FNBP1L: variants seen among roughly 807,000 people sequenced by gnomAD.
The protein encoded by FNBP1L is formin binding protein 1 like, also known as formin-binding protein 1-like.
FNBP1L carries 36 observed loss-of-function variants against 91.2 expected under a neutral mutation model. The observed-to-expected ratio is 0.39, with a 90% CI of 0.30 to 0.52. The LOEUF (loss-of-function observed/expected upper bound fraction) is 0.52. FNBP1L is among the 20% of genes least tolerant of loss of function. FNBP1L has a pLI of 0.66. For missense variants in FNBP1L, 571 were observed against 732.1 expected, an observed-to-expected ratio of 0.78 and a Z score of 2.54; for synonymous variants, 242 against 237.0, an observed-to-expected ratio of 1.02 and a Z score of -0.19.
chr1:93,526,905 T>TTAGTAGCC (rs1342385685), intron 5 of FNBP1L, among the ~76,000 whole-genome samples: 7 of 152,172 alleles, frequency 4.6e-5, no homozygotes, highest in African/African-American at 1.7e-4. Context: ...TGTACCAGAA[T>TTAGTAGCC]TAGTAGCCTA....
chr1:93,523,395 T>C lies in FNBP1L; in HGVS notation c.246T>C (p.Tyr82=). Residue 82 remains tyrosine, a synonymous_variant, in exon 4 of 17, where the codon TAT becomes TAC. Transcript: ENST00000271234. ...ATATCCTTAATGAGTTAAATGACTA[T>C]GCAGGACAGCGAGAAGTTGTAGCAG... is the stretch of plus-strand genomic sequence containing the variant. ...FFNILNELND[Y]AGQREVVAEE... is the part of the protein sequence containing the mutation. 1 of 1,609,500 alleles carries C rather than the reference T, an allele frequency of 6.2e-7. No individual in the cohort carries two copies. Among genetic ancestry groups the C allele is most frequent in the Non-Finnish European group, 8.5e-7 (1 of 1,177,704 alleles).
Position 93,523,384 on chromosome 1 carries a change from T to G in FNBP1L, c.235T>G (p.Leu79Val), listed in dbSNP as rs1671394313. 1.2e-6 allele frequency: 2 copies of G among 1,608,806 alleles called. No homozygotes were observed. Among genetic ancestry groups the G allele is most frequent in the South Asian group, 1.1e-5 (1 of 89,930 alleles). ...CVAFFNILNELNDYAGQREVV... is the reference protein window; with the variant it reads ...CVAFFNILNEVNDYAGQREVV... ...AGCCTTTTTTAATATCCTTAATGAGTTAAATGACTATGCAGGACAGCGAGA... is the reference window on the plus strand; with the variant it reads ...AGCCTTTTTTAATATCCTTAATGAGGTAAATGACTATGCAGGACAGCGAGA... Residue 79 changes from leucine (L) to valine (V), a missense_variant, in exon 4 of 17, where the codon TTA (leucine) becomes GTA (valine). Physicochemically the swap from Leu to Val is conservative, Grantham distance 32. This residue lies in a region of FNBP1L where 220 missense variants were observed against 313.6 expected (regional missense o/e 0.70). Transcript: ENST00000271234.
At chr1:93,471,449 T>C (rs1008031570) in intron 1 of FNBP1L, among the ~76,000 whole-genome samples, 3 of 152,190 alleles carry the variant, frequency 2.0e-5, no homozygotes, top group African/African-American at 4.8e-5. Flanking sequence ...TCCAGCACTT[T>C]GGGAGGCCAA....
rs1053151730 is a variant in FNBP1L, at chr1:93,551,695, A to T, written c.1810+590A>T. 1.2e-5 allele frequency: 12 copies of T among 984,752 alleles called. No individual in the cohort carries two copies. The African/African-American group carries it at 2.1e-4, about 17-fold the overall frequency. The allele number at this position is 984,752 out of a possible 1,614,324, so 61.0% of individuals were successfully genotyped here. A position where few individuals can be genotyped will look rare whatever the true frequency, so the allele number is the denominator to read the frequency against. On this transcript the variant is annotated intron_variant, in intron 16 of 16. Coordinates refer to ENST00000271234, the MANE Select transcript of FNBP1L (RefSeq NM_001164473.3). ...GGAAGAAAATGAGCAGGTAGCACAT[A>T]ATCTATTTAAGTAGATTTAAAGAGA...
chr1:93,458,246 A>C (rs1440639758), intron 1 of FNBP1L, among the ~76,000 whole-genome samples: 1 of 152,180 alleles, frequency 6.6e-6, no homozygotes, highest in Non-Finnish European at 1.5e-5. Flanking sequence ...TTATAGATCA[A>C]AGACAGGTTT....
chr1:93,491,867 T>C (rs1465228449), intron 1 of FNBP1L, among the ~76,000 whole-genome samples: 1 of 152,240 alleles, frequency 6.6e-6, no homozygotes. Context: ...AAACATTGTA[T>C]CCATATATCC....
intron 1 of FNBP1L, among the ~76,000 whole-genome samples, chr1:93,460,627 G>A (rs929693331): frequency 6.6e-6 from 1 of 152,186 alleles, no homozygotes; most frequent in Non-Finnish European, 1.5e-5. Flanking sequence ...GGTCATTTAC[G>A]ATAACATGGA....
chr1:93,497,506 ATAT>A (rs745404006), intron 1 of FNBP1L, among the ~76,000 whole-genome samples: 46 of 152,322 alleles, frequency 3.0e-4, no homozygotes, highest in Non-Finnish European at 6.5e-4. Context: ...TAGAAACTAG[ATAT>A]CATAGTTTAG....
At chr1:93,549,493 C>T in intron 15 of FNBP1L, 67 bp downstream of exon 15, 4 of 1,236,690 alleles carry the variant, frequency 3.2e-6, no homozygotes, top group Non-Finnish European at 4.4e-6. Context: ...CATCAAGTCA[C>T]TCACTGTAGT....
intron 1 of FNBP1L, among the ~76,000 whole-genome samples, chr1:93,490,803 C>T (rs1670066274): frequency 6.6e-6 from 1 of 152,172 alleles, no homozygotes; most frequent in African/African-American, 2.4e-5. Flanking sequence ...TTTCCCTTGA[C>T]CTTTTCCATA....
At chr1:93,464,468 C>G (rs1262401520) in intron 1 of FNBP1L, among the ~76,000 whole-genome samples, 1 of 152,152 alleles carries the variant, frequency 6.6e-6, no homozygotes, top group Non-Finnish European at 1.5e-5. Context: ...TCTTCTTGCT[C>G]TATCCTCCAC....
At chr1:93,523,196 T>C (rs1331778049) in intron 3 of FNBP1L, 148 bp from the exon 4 acceptor site, 2 of 686,832 alleles carry the variant, frequency 2.9e-6, no homozygotes, top group Admixed American at 3.6e-5. Flanking sequence ...TGCAGGATTT[T>C]TTTCCATATG....
intron 11 of FNBP1L, 148 bp downstream of exon 11, chr1:93,541,204 GC>G: frequency 1.5e-6 from 1 of 682,194 alleles, no homozygotes; most frequent in Non-Finnish European, 2.5e-6. Context: ...TCCAGCATAT[GC>G]CAGTACTCTT....
chr1:93,507,837 C>T lies in FNBP1L; in HGVS notation c.140+8254C>T, dbSNP rs541983922. Among the ~76,000 whole-genome samples the T allele has an allele frequency of 5.3e-5, 8 of 151,812 alleles. No homozygotes were observed. In the South Asian group the frequency reaches 8.3e-4, roughly 16 times the overall value. Reference sequence around the variant, plus strand: ...CTAATTTTTGTATTTTTAGTAGAGACGGAGTTTTGCCATGTTGGCCTGGCT... The same window carrying T: ...CTAATTTTTGTATTTTTAGTAGAGATGGAGTTTTGCCATGTTGGCCTGGCT... On this transcript the variant is annotated intron_variant, in intron 2 of 16. Coordinates refer to ENST00000271234, the MANE Select transcript of FNBP1L (RefSeq NM_001164473.3).
intron 5 of FNBP1L, among the ~76,000 whole-genome samples, chr1:93,524,529 CTATACT>C (rs1182299309): frequency 6.9e-6 from 1 of 144,540 alleles, no homozygotes; most frequent in East Asian, 2.0e-4. Flanking sequence ...CTTTATAACT[CTATACT>C]TAAGAACTCT....
intron 2 of FNBP1L, among the ~76,000 whole-genome samples, chr1:93,513,873 C>T (rs975681280): frequency 2.0e-5 from 3 of 152,116 alleles, no homozygotes; most frequent in African/African-American, 2.4e-5. Flanking sequence ...ACAGGGATGC[C>T]CTCTCTCACC....
intron 1 of FNBP1L, among the ~76,000 whole-genome samples, chr1:93,461,895 A>G (rs1668879303): frequency 6.6e-6 from 1 of 152,238 alleles, no homozygotes; most frequent in South Asian, 2.1e-4. Context: ...AAGGGATCTC[A>G]CAAAGCCCAC....
At position 93,551,767 on chromosome 1, in the gene FNBP1L, AT is replaced by A. The variant is rs1269238059; in HGVS notation, c.1811-638del. 14 of 985,134 alleles carry A rather than the reference AT, an allele frequency of 1.4e-5. No individual in the cohort carries two copies. In the Admixed American group the frequency reaches 8.6e-4, roughly 61 times the overall value. The allele number at this position is 985,134 out of a possible 1,614,324, so 61.0% of individuals were successfully genotyped here. Reference sequence around the variant, plus strand: ...TCTAGCTCTTAGGTGAATAAAATAGATTTTGTTTGAGACCTCAAAATATTTT... The same window carrying A: ...TCTAGCTCTTAGGTGAATAAAATAGATTTGTTTGAGACCTCAAAATATTTT... On this transcript the variant is annotated intron_variant, in intron 16 of 16. Transcript: ENST00000271234.
At position 93,460,885 on chromosome 1, in the gene FNBP1L, A is replaced by G. The variant is rs532712800; in HGVS notation, c.24+12580A>G. ...TCATGCTGACTACAGTTAATAATGTATACTTGAAAGTTGCTGTAAGAATAG... is the reference window on the plus strand; with the variant it reads ...TCATGCTGACTACAGTTAATAATGTGTACTTGAAAGTTGCTGTAAGAATAG... On this transcript the variant is annotated intron_variant, in intron 1 of 16. Coordinates refer to ENST00000271234, the MANE Select transcript of FNBP1L (RefSeq NM_001164473.3). 5.9e-5 allele frequency among the ~76,000 whole-genome samples: 9 copies of G among 152,376 alleles called. No individual in the cohort carries two copies. In the South Asian group the frequency reaches 1.9e-3, roughly 32 times the overall value.
Sources: allele counts gnomAD v4.1 joint callset (sites outside exome capture counted in the v4.1 genomes callset), GRCh38; gene constraint gnomAD v4.1.1; regional missense constraint gnomAD v4.1.1; transcripts MANE v1.5; gene names NCBI Gene and HGNC (gene_info 2026-07-23, HGNC 2026-07-21).